The following NUP155 variants were observed in gnomAD, a reference collection of about 807,000 sequenced individuals.
The protein encoded by NUP155 is nucleoporin 155.
In NUP155, 71 loss-of-function variants were observed where a neutral mutation model predicts 180.4. The ratio of observed to expected loss-of-function variants is 0.39; its 90% CI spans 0.33 to 0.48. The LOEUF (loss-of-function observed/expected upper bound fraction) is 0.48, where lower values mean the gene tolerates loss of function less well. NUP155 is among the 20% of genes least tolerant of loss of function. The pLI is 0.91. For missense variants in NUP155, 1,553 were observed against 1,648.9 expected, an observed-to-expected ratio of 0.94 and a Z score of 1.01; for synonymous variants, 582 against 559.5, an observed-to-expected ratio of 1.04 and a Z score of -0.57.
At chr5:37,331,871 G>T in intron 13 of NUP155, 76 bp from the exon 14 acceptor site, 1 of 893,880 alleles carries the variant, frequency 1.1e-6, no homozygotes, top group Non-Finnish European at 1.8e-6. Context: ...TACCTTATTT[G>T]ATAAAATAAA....
At chr5:37,333,025 G>A (rs1386987608) in intron 13 of NUP155, among the ~76,000 whole-genome samples, 1 of 152,060 alleles carries the variant, frequency 6.6e-6, no homozygotes, top group African/African-American at 2.4e-5. Flanking sequence ...ATAAGCTTGT[G>A]TGCCTGGGAA....
intron 22 of NUP155, 125 bp downstream of exon 22, chr5:37,314,073 T>A: frequency 1.4e-6 from 1 of 730,028 alleles, no homozygotes; most frequent in African/African-American, 1.8e-5. Flanking sequence ...CATCTTCCCA[T>A]AACATACTAA....
intron 3 of NUP155, among the ~76,000 whole-genome samples, chr5:37,361,757 A>G (rs969951042): frequency 2.6e-5 from 4 of 152,212 alleles, no homozygotes; most frequent in African/African-American, 9.6e-5. Flanking sequence ...GATTTTTTAA[A>G]ATAAGTACAT....
In NUP155 at chr5:37,291,729, TAA is replaced by T. The variant is rs1408272947; in HGVS notation, c.*169_*170del. On this transcript the variant is annotated 3_prime_UTR_variant, in exon 35 of 35. Coordinates refer to ENST00000231498, the MANE Select transcript of NUP155 (RefSeq NM_153485.3). ...CAATTACTAAAAAACAAAATAGTCA[TAA>T]AAAAGAATTCATTTAGCAAAGGTAC... The T allele has an allele frequency of 1.9e-6, 1 of 531,484 alleles. No individual in the cohort carries two copies. The highest frequency in any genetic ancestry group is 3.6e-5 in the Admixed American group (1 of 27,558). 32.9% of individuals were successfully genotyped at this position (531,484 alleles called of 1,614,324 possible).
rs1742246817 is a variant in NUP155 at position 37,291,835 on chromosome 5, A to G, written c.*65T>C. 6.9e-6 allele frequency: 10 copies of G among 1,453,378 alleles called. No homozygotes were observed. In the South Asian group the frequency reaches 8.0e-5, roughly 12 times the overall value. The allele number at this position is 1,453,378 out of a possible 1,614,324, so 90.0% of individuals were successfully genotyped here. On this transcript the variant is annotated 3_prime_UTR_variant, in exon 35 of 35. Transcript: ENST00000231498. ...TACATTCTTAGATTTAGAACACCTG[A>G]TATCTGGACCCAGCTGAGTTTTTAT...
intron 34 of NUP155, among the ~76,000 whole-genome samples, chr5:37,292,508 C>A (rs1015279896): frequency 6.6e-6 from 1 of 152,124 alleles, no homozygotes; most frequent in Non-Finnish European, 1.5e-5. Flanking sequence ...AGCCACCACG[C>A]CTGGCCTGAA....
intron 9 of NUP155, 142 bp downstream of exon 9, chr5:37,348,363 T>C (rs1006821014): frequency 1.5e-6 from 1 of 666,596 alleles, no homozygotes; most frequent in African/African-American, 1.8e-5. Context: ...ATTTCAAACA[T>C]AATGTAGAGT....
intron 4 of NUP155, 36 bp from the exon 5 acceptor site, chr5:37,352,865 A>G (rs901426822): frequency 2.9e-6 from 4 of 1,388,604 alleles, no homozygotes; most frequent in East Asian, 2.3e-5. Context: ...GAATACTTTC[A>G]GCATTTAAGC....
Position 37,304,823 on chromosome 5 carries a change from C to T in NUP155, c.3078G>A (p.Leu1026=), listed in dbSNP as rs759663950. The change falls in exon 27 of 35, where the codon TTG becomes TTA. Residue 1026 remains leucine, a synonymous_variant. Coordinates refer to ENST00000231498, the MANE Select transcript of NUP155 (RefSeq NM_153485.3). ...AGAGCTCATCCTTGGATCGCTGTGA[C>T]AATTTAAGCATTTGTTCAAACTAAA... ...AGHHFEQMLK[L]SQRSKDELFS... is the part of the protein sequence containing the mutation. 2 of 1,613,810 alleles carry T rather than the reference C, an allele frequency of 1.2e-6. No individual in the cohort carries two copies. The highest frequency in any genetic ancestry group is 1.7e-6 in the Non-Finnish European group (2 of 1,179,792).
chr5:37,335,427 T>TA (rs1455026999), intron 12 of NUP155, among the ~76,000 whole-genome samples: 1 of 144,414 alleles, frequency 6.9e-6, no homozygotes, highest in Non-Finnish European at 1.5e-5. Context: ...TACTTTATAA[T>TA]AAAAAAATTC....
chr5:37,328,439 A>G lies in NUP155; in HGVS notation c.1814-19T>C. Reference sequence around the variant, plus strand: ...GGAGAACCTAAAAAGGGAAAGAAGAATATAAAGATTTAGAAAAGAACATCT... The same window carrying G: ...GGAGAACCTAAAAAGGGAAAGAAGAGTATAAAGATTTAGAAAAGAACATCT... On this transcript the variant is annotated intron_variant, in intron 16 of 34. Transcript: ENST00000231498. The G allele has an allele frequency of 6.5e-7, 1 of 1,527,524 alleles. No homozygotes were observed. The highest frequency in any genetic ancestry group is 9.1e-7 in the Non-Finnish European group (1 of 1,101,714). 94.6% of individuals were successfully genotyped at this position (1,527,524 alleles called of 1,614,324 possible).
chr5:37,325,755 C>A lies in NUP155; in HGVS notation c.2091+146G>T, dbSNP rs570153723. The A allele has an allele frequency of 1.6e-4, 91 of 569,928 alleles. 2 individuals carry two copies. The African/African-American group carries it at 2.0e-3, about 12-fold the overall frequency. 35.3% of individuals were successfully genotyped at this position (569,928 alleles called of 1,614,324 possible). A position where few individuals can be genotyped will look rare whatever the true frequency, so the allele number is the denominator to read the frequency against. On this transcript the variant is annotated intron_variant, in intron 19 of 34. Transcript: ENST00000231498. ...CTGCACTCCAGCCTGGGAGACAGAG[C>A]AGGACTCTGTCTCAAAAAAAAAAAA... is the stretch of plus-strand genomic sequence containing the variant.
intron 16 of NUP155, 84 bp from the exon 17 acceptor site, chr5:37,328,504 T>G: frequency 8.5e-6 from 9 of 1,064,114 alleles, no homozygotes; most frequent in Non-Finnish European, 1.1e-5. Flanking sequence ...AAAGAAGGTA[T>G]TTCCTTTTTC....
Position 37,370,974 on chromosome 5 carries a change from G to A in NUP155, c.4C>T (p.Pro2Ser), listed in dbSNP as rs867064794. 1.9e-6 allele frequency: 3 copies of A among 1,613,648 alleles called. 1 individual carries two copies. In the African/African-American group the frequency reaches 4.0e-5, roughly 22 times the overall value. ...ATCGCCGCGCCCAACAAAGAAGACG[G>A]CATCTCGGAAATCGTAGACACCAGG... is the stretch of plus-strand genomic sequence containing the variant. Reference protein sequence around the residue: MPSSLLGAAMPA... With the variant: MSSSLLGAAMPA... Residue 2 changes from proline (P) to serine (S), a missense_variant, in exon 1 of 35, where the codon CCG (proline) becomes TCG (serine). Transcript: ENST00000231498.
chr5:37,304,994 C>A, intron 26 of NUP155, 63 bp downstream of exon 26: 1 of 1,581,368 alleles, frequency 6.3e-7, no homozygotes, highest in Non-Finnish European at 8.7e-7. Context: ...GACTGTGCTA[C>A]CATTACCATG....
chr5:37,302,232 T>A (rs79086909), intron 29 of NUP155, among the ~76,000 whole-genome samples: 2,055 of 152,252 alleles, frequency 0.013, 43 homozygotes, highest in African/African-American at 0.047. Flanking sequence ...ACATTTATTT[T>A]TTATTATTAT....
chr5:37,345,773 G>T (rs1019523273), intron 9 of NUP155, among the ~76,000 whole-genome samples: 6 of 151,698 alleles, frequency 4.0e-5, no homozygotes. Context: ...GCACAGTGGT[G>T]CGCGCCTATA....
chr5:37,303,932 T>C (rs115185678), intron 27 of NUP155, among the ~76,000 whole-genome samples: 1,905 of 151,290 alleles, frequency 0.013, 55 homozygotes, highest in African/African-American at 0.043. Context: ...AAGCTACAGA[T>C]TGAGACCCTG....
intron 24 of NUP155, among the ~76,000 whole-genome samples, chr5:37,307,665 G>C (rs745756172): frequency 6.6e-6 from 1 of 152,170 alleles, no homozygotes; most frequent in African/African-American, 2.4e-5. Context: ...GCTCACGCCT[G>C]TAATCCCAGC....
Sources: allele counts gnomAD v4.1 joint callset (sites outside exome capture counted in the v4.1 genomes callset), GRCh38; gene constraint gnomAD v4.1.1; transcripts MANE v1.5; gene names NCBI Gene and HGNC (gene_info 2026-07-23, HGNC 2026-07-21).